Variants in TMEM71 observed in about 807,000 individuals in gnomAD.
TMEM71 encodes the protein transmembrane protein 71.
In TMEM71, 44 loss-of-function variants were observed where a neutral mutation model predicts 38.0. That is an observed-to-expected ratio of 1.16 (90% confidence interval 0.91 to 1.49). The LOEUF (loss-of-function observed/expected upper bound fraction) is 1.49, where lower values mean the gene tolerates loss of function less well. TMEM71 is among the 40% of genes most tolerant of loss of function. The probability of loss-of-function intolerance (pLI) is 0.00; values close to 1 mark genes in which losing one functional copy is unlikely to be tolerated. For missense variants in TMEM71, 367 were observed against 348.6 expected, an observed-to-expected ratio of 1.05 and a Z score of -0.42; for synonymous variants, 133 against 122.5, an observed-to-expected ratio of 1.09 and a Z score of -0.56.
chr8:132,737,474 C>G (rs980404633), intron 5 of TMEM71, among the ~76,000 whole-genome samples: 2 of 152,216 alleles, frequency 1.3e-5, no homozygotes, highest in Admixed American at 6.5e-5. Context: ...TAACACCACA[C>G]TCTCTTGCTT....
At chr8:132,756,484 G>A (rs1283128309) in intron 3 of TMEM71, among the ~76,000 whole-genome samples, 1 of 135,676 alleles carries the variant, frequency 7.4e-6, no homozygotes, top group Non-Finnish European at 1.5e-5. Flanking sequence ...TATGTACATG[G>A]CACCAAAAAG....
chr8:132,763,088 C>T (rs190599814), upstream of TMEM71, among the ~76,000 whole-genome samples: 632 of 152,264 alleles, frequency 4.2e-3, 5 homozygotes, highest in African/African-American at 0.014. Context: ...TGTTCCCTCA[C>T]CCTAAGGGTC....
At chr8:132,718,571 A>G (rs914026721) in intron 7 of TMEM71, among the ~76,000 whole-genome samples, 1 of 151,824 alleles carries the variant, frequency 6.6e-6, no homozygotes, top group Non-Finnish European at 1.5e-5. Flanking sequence ...CTAATTTTTT[A>G]TATTTTTAGT....
chr8:132,766,079 C>T, the TMEM71 span, among the ~76,000 whole-genome samples: 1 of 152,176 alleles, frequency 6.6e-6, no homozygotes, highest in Non-Finnish European at 1.5e-5. Flanking sequence ...CCACCGCACC[C>T]TGCCGAATCT....
At chr8:132,718,491 G>A (rs765612788) in intron 7 of TMEM71, among the ~76,000 whole-genome samples, 33 of 146,164 alleles carry the variant, frequency 2.3e-4, no homozygotes, top group Non-Finnish European at 3.7e-4. Flanking sequence ...TCCACCTCCC[G>A]GGTTCACACC....
chr8:132,775,221 G>A, the TMEM71 span: 2 of 312,730 alleles, frequency 6.4e-6, no homozygotes, highest in South Asian at 3.1e-4. Context: ...AGTAACCAGA[G>A]CCCCGCCCGC....
chr8:132,712,832 T>C (rs1031787093), intron 9 of TMEM71, among the ~76,000 whole-genome samples: 21 of 142,484 alleles, frequency 1.5e-4, no homozygotes, highest in African/African-American at 6.4e-4. Flanking sequence ...CTCCTTTTTC[T>C]TTTTTCTTTT....
chr8:132,775,197 G>A, the TMEM71 span, among the ~76,000 whole-genome samples: 9 of 151,752 alleles, frequency 5.9e-5, no homozygotes, highest in Non-Finnish European at 8.8e-5. Flanking sequence ...CCAAGAGCTC[G>A]CGTTCTTTCC....
intron 5 of TMEM71, among the ~76,000 whole-genome samples, chr8:132,743,048 C>T (rs1834435): frequency 7.6e-4 from 115 of 152,226 alleles, no homozygotes; most frequent in South Asian, 2.9e-3. Context: ...AGACCTGCCC[C>T]CATGATTCAA....
intron 6 of TMEM71, among the ~76,000 whole-genome samples, chr8:132,726,925 G>A (rs1164911190): frequency 6.8e-6 from 1 of 147,860 alleles, no homozygotes; most frequent in African/African-American, 2.5e-5. Context: ...GAGTGATCTC[G>A]ACTCACTGCA....
the TMEM71 span, among the ~76,000 whole-genome samples, chr8:132,774,039 T>C: frequency 2.0e-5 from 3 of 152,260 alleles, no homozygotes; most frequent in Non-Finnish European, 4.4e-5. Flanking sequence ...TGCTTTACAC[T>C]GTGCCAGAGA....
chr8:132,750,776 C>T (rs1306398412), intron 4 of TMEM71, among the ~76,000 whole-genome samples: 3 of 152,082 alleles, frequency 2.0e-5, no homozygotes, highest in South Asian at 2.1e-4. Flanking sequence ...CAGACATGCC[C>T]GTCCTTTCTT....
chr8:132,743,683 T>G (rs759273257), intron 5 of TMEM71, among the ~76,000 whole-genome samples: 3 of 152,200 alleles, frequency 2.0e-5, no homozygotes, highest in Non-Finnish European at 4.4e-5. Flanking sequence ...CCACCTAGAC[T>G]GATATGACTC....
intron 7 of TMEM71, among the ~76,000 whole-genome samples, chr8:132,714,790 G>A (rs1826413616): frequency 6.6e-6 from 1 of 152,086 alleles, no homozygotes; most frequent in Admixed American, 6.6e-5. Flanking sequence ...CAGTCTGTGA[G>A]AAAATATTTG....
Position 132,727,949 on chromosome 8 carries a change from C to T in TMEM71, c.525G>A (p.Trp175Ter), listed in dbSNP as rs150894344. The T allele has an allele frequency of 1.2e-6, 2 of 1,613,562 alleles. No homozygotes were observed. The highest frequency in any genetic ancestry group is 1.7e-6 in the Non-Finnish European group (2 of 1,179,886). Reference protein sequence around the residue: ...DLDCSSLTDDWESGKMNAESV... With the variant: ...DLDCSSLTDD ...ACTCTGCATTCATCTTCCCTGACTC[C>T]CAGTCATCAGTCAGAGAAGAACAGT... is the stretch of plus-strand genomic sequence containing the variant. Residue 175 changes from tryptophan (W) to a stop codon, truncating the protein, a stop_gained, in exon 6 of 10, where the codon TGG (tryptophan) becomes TGA (stop). Coordinates refer to ENST00000677595, the MANE Select transcript of TMEM71 (RefSeq NM_001382403.1). LOFTEE classifies it high-confidence loss of function.
At chr8:132,748,881 T>C (rs1190360300) in intron 4 of TMEM71, among the ~76,000 whole-genome samples, 1 of 152,204 alleles carries the variant, frequency 6.6e-6, no homozygotes, top group Non-Finnish European at 1.5e-5. Flanking sequence ...TTCCACCTAA[T>C]AGCCCTGTGA....
At chr8:132,735,267 T>C (rs548295525) in intron 5 of TMEM71, among the ~76,000 whole-genome samples, 3 of 152,252 alleles carry the variant, frequency 2.0e-5, no homozygotes, top group Admixed American at 6.5e-5. Context: ...AGGGGTGAAC[T>C]GAGGACAAAC....
chr8:132,772,665 C>A, the TMEM71 span, among the ~76,000 whole-genome samples: 1 of 151,990 alleles, frequency 6.6e-6, no homozygotes, highest in Non-Finnish European at 1.5e-5. Context: ...ATAACATAAC[C>A]AAGCTATACA....
intron 7 of TMEM71, among the ~76,000 whole-genome samples, chr8:132,720,683 T>C (rs1046221927): frequency 1.3e-5 from 2 of 152,204 alleles, no homozygotes; most frequent in Non-Finnish European, 2.9e-5. Context: ...AGAGATGGGA[T>C]CTAGGACTTT....
Sources: allele counts gnomAD v4.1 joint callset (sites outside exome capture counted in the v4.1 genomes callset), GRCh38; gene constraint gnomAD v4.1.1; transcripts MANE v1.5; gene names NCBI Gene and HGNC (gene_info 2026-07-23, HGNC 2026-07-21).